Variants in TRIM54 observed in about 807,000 individuals in gnomAD.
The protein encoded by TRIM54 is tripartite motif containing 54.
In TRIM54, 40 loss-of-function variants were observed where a neutral mutation model predicts 42.0. The ratio of observed to expected loss-of-function variants is 0.95; its 90% CI spans 0.74 to 1.24. The LOEUF (loss-of-function observed/expected upper bound fraction) is 1.24, where lower values mean the gene tolerates loss of function less well. Ranked by LOEUF, TRIM54 falls within the 50% of genes most tolerant of loss-of-function variation. TRIM54 has a pLI of 0.00. For synonymous variants in TRIM54, 199 were observed against 194.9 expected (o/e 1.02, Z -0.17); for missense variants, 485 against 480.3 (o/e 1.01, Z -0.09).
chr2:27,307,427 A>G lies in TRIM54; in HGVS notation c.*542A>G, dbSNP rs1679258521. 9.0e-6 allele frequency: 14 copies of G among 1,548,522 alleles called. No individual in the cohort carries two copies. The highest frequency in any genetic ancestry group is 1.0e-5 in the Non-Finnish European group (12 of 1,149,086). ...GTCTTCAGTACTTTTATTAAAAAAT[A>G]GTCACGCAGACAGTGCCCTGGTGGC... On this transcript the variant is annotated 3_prime_UTR_variant, in exon 9 of 9. Transcript: ENST00000380075. The surrounding 1 kb of genome is among the most constrained non-coding windows in gnomAD (Gnocchi z 6.9).
chr2:27,305,478 C>T, intron 4 of TRIM54, 106 bp from the exon 5 acceptor site: 1 of 911,810 alleles, frequency 1.1e-6, no homozygotes. Context: ...CACAGTGTCA[C>T]TACGGATGGG....
Position 27,305,634 on chromosome 2 carries a change from G to A in TRIM54, c.660G>A (p.Leu220=). 6.2e-7 allele frequency: 1 copy of A among 1,613,820 alleles called. No homozygotes were observed. Among genetic ancestry groups the A allele is most frequent in the Non-Finnish European group, 8.5e-7 (1 of 1,179,972 alleles). Residue 220 remains leucine (L), a synonymous_variant, in exon 5 of 9, where the codon CTG becomes CTA. Coordinates refer to ENST00000380075, the MANE Select transcript of TRIM54 (RefSeq NM_187841.3). ...TGTTAAACCAGAGGTTTGAGAGCCT[G>A]TGCGCAGTGCTGGAGGAGCGCAAGG... ...KQLLNQRFES[L]CAVLEERKGE... is the part of the protein sequence containing the mutation.
chr2:27,290,088 T>A (rs1403564628), intron 1 of TRIM54, among the ~76,000 whole-genome samples: 1 of 151,594 alleles, frequency 6.6e-6, no homozygotes, highest in Non-Finnish European at 1.5e-5. Context: ...GCCAGGCTGG[T>A]CTCAAACTCC....
intron 5 of TRIM54, 117 bp from the exon 6 acceptor site, chr2:27,305,963 T>C (rs1300879979): frequency 6.9e-7 from 1 of 1,458,748 alleles, no homozygotes; most frequent in Non-Finnish European, 9.4e-7. Context: ...CGTTTTCTGC[T>C]TAACGAATTG....
At chr2:27,300,318 C>T (rs1678995027) in intron 3 of TRIM54, among the ~76,000 whole-genome samples, 2 of 152,098 alleles carry the variant, frequency 1.3e-5, no homozygotes, top group South Asian at 2.1e-4. Flanking sequence ...ATTATAGGCG[C>T]CTACCACCAT....
chr2:27,307,267 G>A lies in TRIM54; in HGVS notation c.*382G>A. 1 of 591,568 alleles carries A rather than the reference G, an allele frequency of 1.7e-6. No individual in the cohort carries two copies. The highest frequency in any genetic ancestry group is 2.9e-6 in the Non-Finnish European group (1 of 344,424). The allele number at this position is 591,568 out of a possible 1,614,324, so 36.6% of individuals were successfully genotyped here. A position where few individuals can be genotyped will look rare whatever the true frequency, so the allele number is the denominator to read the frequency against. On this transcript the variant is annotated 3_prime_UTR_variant, in exon 9 of 9. Coordinates refer to ENST00000380075, the MANE Select transcript of TRIM54 (RefSeq NM_187841.3). This position sits in a 1 kb window ranked among gnomAD's most constrained non-coding sequence, Gnocchi z 6.9. ...GACCCTTGGGGTCCACATGCACCTG[G>A]CTGACCTGGCTGAAAGCCGCTGTCT...
chr2:27,288,616 AG>A (rs1203930784), intron 1 of TRIM54, among the ~76,000 whole-genome samples: 2 of 152,212 alleles, frequency 1.3e-5, no homozygotes, highest in African/African-American at 4.8e-5. Context: ...TTTAAGGTCT[AG>A]ATTAGGATTG....
At chr2:27,287,864 G>A (rs148982678) in intron 1 of TRIM54, among the ~76,000 whole-genome samples, 22 of 152,260 alleles carry the variant, frequency 1.4e-4, no homozygotes, top group African/African-American at 4.1e-4. Context: ...CAATTCTAAC[G>A]ATTTGGTTTC....
intron 3 of TRIM54, chr2:27,304,729 T>C (rs1375273711): frequency 4.3e-6 from 2 of 462,074 alleles, no homozygotes; most frequent in East Asian, 6.2e-5. Context: ...GTTTGGAGAC[T>C]GTCTGTTCCT....
intron 1 of TRIM54, among the ~76,000 whole-genome samples, chr2:27,283,411 C>A (rs146941813): frequency 6.6e-6 from 1 of 152,112 alleles, no homozygotes. Flanking sequence ...CAGAGTTAGA[C>A]ATAGTGGGCA....
At chr2:27,289,860 CTTTTTTTTTTTTT>C (rs756771152) in intron 1 of TRIM54, among the ~76,000 whole-genome samples, 7 of 100,608 alleles carry the variant, frequency 7.0e-5, no homozygotes, top group African/African-American at 1.6e-4. Flanking sequence ...CTCTCTTTCT[CTTTTTTTTTTTTT>C]TTTTTTTTTT....
chr2:27,293,654 T>C (rs1234294305), intron 1 of TRIM54, among the ~76,000 whole-genome samples: 1 of 152,212 alleles, frequency 6.6e-6, no homozygotes, highest in African/African-American at 2.4e-5. Flanking sequence ...ATTTTCAGGC[T>C]GTAGTTTCTT....
chr2:27,287,994 G>C (rs886801300), intron 1 of TRIM54, among the ~76,000 whole-genome samples: 4 of 152,224 alleles, frequency 2.6e-5, no homozygotes, highest in Admixed American at 6.5e-5. Flanking sequence ...AGTAGGGCTT[G>C]GTTTACCAGC....
intron 3 of TRIM54, among the ~76,000 whole-genome samples, chr2:27,303,549 A>T (rs1027234053): frequency 1.5e-5 from 2 of 136,470 alleles, no homozygotes; most frequent in African/African-American, 6.0e-5. Context: ...GACTCCGTCT[A>T]AAAAAAAAAA....
At chr2:27,305,956 T>C in intron 5 of TRIM54, 124 bp from the exon 6 acceptor site, 1 of 1,441,764 alleles carries the variant, frequency 6.9e-7, no homozygotes, top group Non-Finnish European at 9.5e-7. Flanking sequence ...CTGAGTTCGT[T>C]TTCTGCTTAA....
intron 1 of TRIM54, among the ~76,000 whole-genome samples, chr2:27,283,768 A>ACACGCGCGCGCGCGCG (rs1330074571): frequency 1.5e-4 from 14 of 93,926 alleles, no homozygotes; most frequent in Non-Finnish European, 2.0e-5. Flanking sequence ...GCAAAGGCAC[A>ACACGCGCGCGCGCGCG]CACACACACA....
chr2:27,304,715 G>T, intron 3 of TRIM54: 1 of 433,820 alleles, frequency 2.3e-6, no homozygotes. Context: ...GGTATCTGGT[G>T]GATGTTTGGA....
chr2:27,286,749 C>T (rs1484120756), intron 1 of TRIM54, among the ~76,000 whole-genome samples: 1 of 152,176 alleles, frequency 6.6e-6, no homozygotes, highest in Non-Finnish European at 1.5e-5. Context: ...GGGGGATTGT[C>T]AAGAAAGAAG....
Position 27,282,770 on chromosome 2 carries a change from T to C in TRIM54, c.39T>C (p.Asp13=). 1 of 1,612,948 alleles carries C rather than the reference T, an allele frequency of 6.2e-7. No homozygotes were observed. The highest frequency in any genetic ancestry group is 8.5e-7 in the Non-Finnish European group (1 of 1,179,512). Residue 13 remains aspartate, a synonymous_variant, in exon 1 of 9, where the codon GAT becomes GAC. Coordinates refer to ENST00000380075, the MANE Select transcript of TRIM54 (RefSeq NM_187841.3). ...TGGGTTTCAAGCCGCTGCTAGGGGA[T>C]GCACACAGCATGGACAACCTGGAGA... ...FTVGFKPLLG[D]AHSMDNLEKQ...
Sources: gnomAD v4.1 joint callset for allele counts (sites outside exome capture counted in the v4.1 genomes callset) on GRCh38, gnomAD v4.1.1 for gene constraint, Gnocchi (gnomAD v3.1) non-coding constraint, MANE v1.5 for transcripts, NCBI Gene and HGNC (gene_info 2026-07-23, HGNC 2026-07-21) for gene names.